Variants in HOXB5 observed in about 807,000 individuals in gnomAD.
HOXB5 encodes homeobox B5.
Under a neutral mutation model 19.6 loss-of-function variants are expected in HOXB5, and 10 were observed. The observed-to-expected ratio is 0.51, with a 90% CI of 0.32 to 0.87. The LOEUF (loss-of-function observed/expected upper bound fraction) is 0.87, where lower values mean the gene tolerates loss of function less well. HOXB5 is among the 40% of genes least tolerant of loss of function. HOXB5 has a pLI of 0.04. For synonymous variants in HOXB5, 167 were observed against 156.9 expected, an observed-to-expected ratio of 1.06 and a Z score of -0.48; for missense variants, 353 against 369.6, an observed-to-expected ratio of 0.96 and a Z score of 0.37.
chr17:48,593,560 G>A lies in HOXB5; in HGVS notation c.123C>T (p.His41=), dbSNP rs768183711. The A allele has an allele frequency of 1.2e-6, 2 of 1,613,234 alleles. No individual in the cohort carries two copies. The highest frequency in any genetic ancestry group is 2.2e-5 in the South Asian group (2 of 91,088). ...SGSYRDPAAM[H]TGSYGYNYNG... is the part of the protein sequence containing the mutation. ...TGTAATTGTAGCCGTAAGAGCCGGTGTGCATGGCAGCGGGATCCCTGTAAG... is the reference window on the plus strand; with the variant it reads ...TGTAATTGTAGCCGTAAGAGCCGGTATGCATGGCAGCGGGATCCCTGTAAG... Residue 41 remains histidine, a synonymous_variant, in exon 1 of 2, where the codon CAC becomes CAT. Coordinates refer to ENST00000239151, the MANE Select transcript of HOXB5 (RefSeq NM_002147.4).
rs1246125303 is a variant in HOXB5, at chr17:48,592,316, C to G, written c.703G>C (p.Glu235Gln). ...IEIAHALCLS[E>Q]RQIKIWFQNR... The stretch of plus-strand genomic sequence containing the variant: ...TGGAACCAGATCTTGATCTGGCGCT[C>G]GGACAGGCAGAGTGCGTGGGCGATC... The change falls in exon 2 of 2, where the codon GAG becomes CAG. Residue 235 changes from glutamate (E) to glutamine (Q), a missense_variant. By Grantham distance (29) the Glu-to-Gln change is conservative (BLOSUM62 2). Transcript: ENST00000239151. The G allele has an allele frequency of 6.2e-7, 1 of 1,613,948 alleles. No individual in the cohort carries two copies. Among genetic ancestry groups the G allele is most frequent in the Non-Finnish European group, 8.5e-7 (1 of 1,180,022 alleles).
In HOXB5 at chr17:48,592,210, C is replaced by T; in HGVS notation, c.809G>A (p.Ter270=). The change falls in exon 2 of 2, where the codon TGA becomes TAA. Residue 270 remains the stop codon, a stop_retained_variant. Coordinates refer to ENST00000239151, the MANE Select transcript of HOXB5 (RefSeq NM_002147.4). Reference sequence around the variant, plus strand: ...GCCGCTGGGCTCCTCTGGGCGGGCTCAGGGCTGGAAGGCGCTGCCAGCTGT... The same window carrying T: ...GCCGCTGGGCTCCTCTGGGCGGGCTTAGGGCTGGAAGGCGCTGCCAGCTGT... ...LATAGSAFQP[*] is the part of the protein sequence containing the mutation. 2.5e-6 allele frequency: 4 copies of T among 1,613,124 alleles called. No homozygotes were observed. The South Asian group carries it at 4.4e-5, about 18-fold the overall frequency.
rs1420991228 is a variant in HOXB5, at chr17:48,592,243, C to T, written c.776G>A (p.Ser259Asn). The change falls in exon 2 of 2, where the codon AGC becomes AAC. Residue 259 changes from serine to asparagine, a missense_variant. By Grantham distance (46) the Ser-to-Asn change is conservative (BLOSUM62 1). Coordinates refer to ENST00000239151, the MANE Select transcript of HOXB5 (RefSeq NM_002147.4). ...WKKDNKLKSM[S>N]LATAGSAFQP The stretch of plus-strand genomic sequence containing the variant: ...GAAGGCGCTGCCAGCTGTAGCCAGG[C>T]TCATACTTTTCAATTTGTTGTCCTT... The T allele has an allele frequency of 6.2e-7, 1 of 1,613,832 alleles. No individual in the cohort carries two copies. Among genetic ancestry groups the T allele is most frequent in the East Asian group, 2.2e-5 (1 of 44,864 alleles).
rs768093931 is a variant in HOXB5, at chr17:48,593,495, G to A, written c.188C>T (p.Ser63Phe). Residue 63 changes from serine to phenylalanine, a missense_variant, in exon 1 of 2, where the codon TCC becomes TTC. Physicochemically the swap from Ser to Phe is radical, Grantham distance 155. Transcript: ENST00000239151. ...CTCGCCCACCGCCCCAAAGTGGCTGGAGGAGGCCGAGGAGCGGTTGACGCT... is the reference window on the plus strand; with the variant it reads ...CTCGCCCACCGCCCCAAAGTGGCTGAAGGAGGCCGAGGAGCGGTTGACGCT... ...DLSVNRSSAS[S>F]SHFGAVGESS... 10 of 1,613,056 alleles carry A rather than the reference G, an allele frequency of 6.2e-6. No homozygotes were observed. Among genetic ancestry groups the A allele is most frequent in the Non-Finnish European group, 8.5e-6 (10 of 1,179,814 alleles).
rs780239626 is a variant in HOXB5 at position 48,593,289 on chromosome 17, C to T, written c.394G>A (p.Glu132Lys). 3 of 1,613,234 alleles carry T rather than the reference C, an allele frequency of 1.9e-6. No homozygotes were observed. Among genetic ancestry groups the T allele is most frequent in the Admixed American group, 1.7e-5 (1 of 59,978 alleles). The change falls in exon 1 of 2, where the codon GAA (glutamate) becomes AAA (lysine). Residue 132 changes from glutamate (E) to lysine (K), a missense_variant. By Grantham distance (56) the Glu-to-Lys change is moderately conservative (BLOSUM62 1). Coordinates refer to ENST00000239151, the MANE Select transcript of HOXB5 (RefSeq NM_002147.4). ...GAGGACGCGCTGGCCTCGTCTATTTCGGTGAAATTGGCGCTGGAGCTGGCT... is the reference window on the plus strand; with the variant it reads ...GAGGACGCGCTGGCCTCGTCTATTTTGGTGAAATTGGCGCTGGAGCTGGCT... ...TSASSSANFT[E>K]IDEASASSEP...
rs202235842 is a variant in HOXB5, at chr17:48,593,104, A to G, written c.562+17T>C. 1.1e-5 allele frequency: 16 copies of G among 1,457,732 alleles called. No individual in the cohort carries two copies. Among genetic ancestry groups the G allele is most frequent in the South Asian group, 2.9e-5 (2 of 69,370 alleles). 90.3% of individuals were successfully genotyped at this position (1,457,732 alleles called of 1,614,324 possible). ...GAGAAGGAAAGCCGAGAAGACAAAA[A>G]AGAGAGAGAGAATTACCATGGCTGA... On this transcript the variant is annotated intron_variant, in intron 1 of 1. Transcript: ENST00000239151.
chr17:48,592,746 C>T (rs2070182704), intron 1 of HOXB5, among the ~76,000 whole-genome samples: 1 of 152,224 alleles, frequency 6.6e-6, no homozygotes, highest in Non-Finnish European at 1.5e-5. Context: ...GGGAGGAGAG[C>T]GGTTGCACTT....
chr17:48,593,225 C>T lies in HOXB5; in HGVS notation c.458G>A (p.Ser153Asn). The T allele has an allele frequency of 2.5e-6, 4 of 1,613,644 alleles. No homozygotes were observed. Among genetic ancestry groups the T allele is most frequent in the Non-Finnish European group, 3.4e-6 (4 of 1,179,664 alleles). ...EEAASQLSSP[S>N]LARAQPEPMA... ...GGGCTCTGGCTGCGCCCGAGCTAGG[C>T]TGGGGCTGCTTAGCTGGCTTGCCGC... The change falls in exon 1 of 2, where the codon AGC becomes AAC. Residue 153 changes from serine (S) to asparagine (N), a missense_variant. By Grantham distance (46) the Ser-to-Asn change is conservative. Coordinates refer to ENST00000239151, the MANE Select transcript of HOXB5 (RefSeq NM_002147.4).
rs2070196378 is a variant in HOXB5 at position 48,593,309 on chromosome 17, C to T, written c.374G>A (p.Ser125Asn). The stretch of plus-strand genomic sequence containing the variant: ...TATTTCGGTGAAATTGGCGCTGGAG[C>T]TGGCTGAGGTCGCCTGGTCGGAGGG... The part of the protein sequence containing the change: ...SSPSDQATSA[S>N]SSANFTEIDE... The change falls in exon 1 of 2, where the codon AGC (serine) becomes AAC (asparagine). Residue 125 changes from serine to asparagine, a missense_variant. Ser to Asn is a conservative substitution (Grantham distance 46, BLOSUM62 1). Coordinates refer to ENST00000239151, the MANE Select transcript of HOXB5 (RefSeq NM_002147.4). 3 of 1,612,324 alleles carry T rather than the reference C, an allele frequency of 1.9e-6. No individual in the cohort carries two copies. Among genetic ancestry groups the T allele is most frequent in the African/African-American group, 1.3e-5 (1 of 74,910 alleles).
In HOXB5 at chr17:48,591,971, T is replaced by G; in HGVS notation, c.*238A>C. ...CGGATTTGGGACAAGCAGAAGGGAG[T>G]TGGGAGCATGGAAGGAAAATAATAA... is the stretch of plus-strand genomic sequence containing the variant. On this transcript the variant is annotated 3_prime_UTR_variant, in exon 2 of 2. Coordinates refer to ENST00000239151, the MANE Select transcript of HOXB5 (RefSeq NM_002147.4). The G allele has an allele frequency of 1.1e-5, 3 of 263,806 alleles. No individual in the cohort carries two copies. Among genetic ancestry groups the G allele is most frequent in the Admixed American group, 5.2e-5 (1 of 19,306 alleles). 16.3% of individuals were successfully genotyped at this position (263,806 alleles called of 1,614,324 possible). A position where few individuals can be genotyped will look rare whatever the true frequency, so the allele number is the denominator to read the frequency against.
Position 48,592,167 on chromosome 17 carries a change from G to A in HOXB5, c.*42C>T, listed in dbSNP as rs374005395. On this transcript the variant is annotated 3_prime_UTR_variant, in exon 2 of 2. Coordinates refer to ENST00000239151, the MANE Select transcript of HOXB5 (RefSeq NM_002147.4). The stretch of plus-strand genomic sequence containing the variant: ...GAGGATTGGAGGGGCCAGGGCTGGG[G>A]GTGGCACGGGCTCTTGGGCCGCTGG... 2 of 1,597,244 alleles carry A rather than the reference G, an allele frequency of 1.3e-6. No homozygotes were observed. The highest frequency in any genetic ancestry group is 2.2e-5 in the East Asian group (1 of 44,668).
Position 48,592,117 on chromosome 17 carries a change from C to T in HOXB5, c.*92G>A. 1 of 1,451,356 alleles carries T rather than the reference C, an allele frequency of 6.9e-7. No individual in the cohort carries two copies. The highest frequency in any genetic ancestry group is 9.3e-7 in the Non-Finnish European group (1 of 1,077,470). 89.9% of individuals were successfully genotyped at this position (1,451,356 alleles called of 1,614,324 possible). A position where few individuals can be genotyped will look rare whatever the true frequency, so the allele number is the denominator to read the frequency against. Reference sequence around the variant, plus strand: ...GCGAGGCAGGCTTGTGGGAACCGGTCCCCAGCGGGCGGCGGCAGAGCGGGG... The same window carrying T: ...GCGAGGCAGGCTTGTGGGAACCGGTTCCCAGCGGGCGGCGGCAGAGCGGGG... On this transcript the variant is annotated 3_prime_UTR_variant, in exon 2 of 2. Coordinates refer to ENST00000239151, the MANE Select transcript of HOXB5 (RefSeq NM_002147.4).
Position 48,593,154 on chromosome 17 carries a change from A to G in HOXB5, c.529T>C (p.Phe177Leu). Residue 177 changes from phenylalanine (F) to leucine (L), a missense_variant, in exon 1 of 2, where the codon TTC (phenylalanine) becomes CTC (leucine). Physicochemically the swap from Phe to Leu is conservative, Grantham distance 22. Transcript: ENST00000239151. The stretch of plus-strand genomic sequence containing the variant: ...ATGTGAAGCTTCCTCATCCAGGGGA[A>G]TATTTGCGGAGTCTGCCCCTCGGGC... ...AAPEGQTPQI[F>L]PWMRKLHISH... 3 of 1,572,196 alleles carry G rather than the reference A, an allele frequency of 1.9e-6. No homozygotes were observed. The highest frequency in any genetic ancestry group is 2.3e-5 in the East Asian group (1 of 44,078).
Position 48,592,145 on chromosome 17 carries a change from G to T in HOXB5, c.*64C>A, listed in dbSNP as rs1348985540. On this transcript the variant is annotated 3_prime_UTR_variant, in exon 2 of 2. Transcript: ENST00000239151. The stretch of plus-strand genomic sequence containing the variant: ...CAGCGGGCGGCGGCAGAGCGGGGAG[G>T]ATTGGAGGGGCCAGGGCTGGGGGTG... 35 of 1,562,136 alleles carry T rather than the reference G, an allele frequency of 2.2e-5. No homozygotes were observed. Among genetic ancestry groups the T allele is most frequent in the Non-Finnish European group, 2.3e-5 (27 of 1,153,132 alleles).
chr17:48,593,632 C>T lies in HOXB5; in HGVS notation c.51G>A (p.Pro17=), dbSNP rs1406335465. The stretch of plus-strand genomic sequence containing the variant: ...TGCCATAATTTAGCAACTGATAGTC[C>T]GGGCCATTTGGATAACGCCCCGAGA... The part of the protein sequence containing the change: ...NSFSGRYPNG[P]DYQLLNYGSG... Residue 17 remains proline, a synonymous_variant, in exon 1 of 2, where the codon CCG becomes CCA. Coordinates refer to ENST00000239151, the MANE Select transcript of HOXB5 (RefSeq NM_002147.4). 6.2e-7 allele frequency: 1 copy of T among 1,612,780 alleles called. No homozygotes were observed. Among genetic ancestry groups the T allele is most frequent in the African/African-American group, 1.3e-5 (1 of 74,894 alleles).
In HOXB5 at chr17:48,592,278, C is replaced by T. The variant is rs777380969; in HGVS notation, c.741G>A (p.Met247Ile). The T allele has an allele frequency of 2.5e-6, 4 of 1,614,036 alleles. No individual in the cohort carries two copies. Among genetic ancestry groups the T allele is most frequent in the Non-Finnish European group, 2.5e-6 (3 of 1,180,010 alleles). ...TCAATTTGTTGTCCTTCTTCCACTTCATGCGCCGGTTCTGGAACCAGATCT... is the reference window on the plus strand; with the variant it reads ...TCAATTTGTTGTCCTTCTTCCACTTTATGCGCCGGTTCTGGAACCAGATCT... ...QIKIWFQNRR[M>I]KWKKDNKLKS... is the part of the protein sequence containing the mutation. Residue 247 changes from methionine to isoleucine, a missense_variant, in exon 2 of 2, where the codon ATG becomes ATA. Physicochemically the swap from Met to Ile is conservative, Grantham distance 10. Coordinates refer to ENST00000239151, the MANE Select transcript of HOXB5 (RefSeq NM_002147.4).
At position 48,591,904 on chromosome 17, in the gene HOXB5, G is replaced by C. The variant is rs544894480; in HGVS notation, c.*305C>G. On this transcript the variant is annotated 3_prime_UTR_variant, in exon 2 of 2. Transcript: ENST00000239151. Reference sequence around the variant, plus strand: ...AATTTCTTTTTTTTTTTTTCCTGGGGGAAAGACTGCAACCACAGACACAAA... The same window carrying C: ...AATTTCTTTTTTTTTTTTTCCTGGGCGAAAGACTGCAACCACAGACACAAA... The C allele has an allele frequency of 1.0e-5, 2 of 193,568 alleles. No homozygotes were observed. Among genetic ancestry groups the C allele is most frequent in the East Asian group, 2.4e-4 (2 of 8,264 alleles). The allele number at this position is 193,568 out of a possible 1,614,324, so 12.0% of individuals were successfully genotyped here. A position where few individuals can be genotyped will look rare whatever the true frequency, so the allele number is the denominator to read the frequency against.
chr17:48,592,842 A>C (rs1033144577), intron 1 of HOXB5, among the ~76,000 whole-genome samples: 1 of 152,168 alleles, frequency 6.6e-6, no homozygotes, highest in Non-Finnish European at 1.5e-5. Flanking sequence ...ACCCTTCCCC[A>C]CATTATATGA....
At chr17:48,593,059 C>CCCACCCACCCCCA in intron 1 of HOXB5, 62 bp downstream of exon 1, 1 of 637,342 alleles carries the variant, frequency 1.6e-6, no homozygotes, top group Non-Finnish European at 2.7e-6. Context: ...CTTGTCCCCC[C>CCCACCCACCCCCA]GATCCCACCC....
Sources: allele counts gnomAD v4.1 joint callset (sites outside exome capture counted in the v4.1 genomes callset), GRCh38; gene constraint gnomAD v4.1.1; transcripts MANE v1.5; gene names NCBI Gene and HGNC (gene_info 2026-07-23, HGNC 2026-07-21).